The following LHFPL2 variants were observed in gnomAD, a reference collection of about 807,000 sequenced individuals.
The protein encoded by LHFPL2 is LHFPL tetraspan subfamily member 2.
In LHFPL2, 7 loss-of-function variants were observed where a neutral mutation model predicts 17.5. That is an observed-to-expected ratio of 0.40 (90% CI 0.23 to 0.75). The LOEUF (loss-of-function observed/expected upper bound fraction) is 0.75. LHFPL2 is among the 30% of genes least tolerant of loss of function. The pLI is 0.37. For synonymous variants in LHFPL2, 134 were observed against 116.2 expected (o/e 1.15, Z -0.99); for missense variants, 241 against 294.8 (o/e 0.82, Z 1.34).
intron 2 of LHFPL2, among the ~76,000 whole-genome samples, chr5:78,568,489 A>G (rs979654497): frequency 6.6e-6 from 1 of 152,212 alleles, no homozygotes; most frequent in Non-Finnish European, 1.5e-5. Flanking sequence ...AAAAACAGGA[A>G]GCAGAGTTGT....
intron 2 of LHFPL2, among the ~76,000 whole-genome samples, chr5:78,578,088 G>A (rs917406570): frequency 3.3e-5 from 5 of 152,148 alleles, no homozygotes; most frequent in African/African-American, 1.2e-4. Context: ...GATCTCAACT[G>A]GCAAACACCA....
chr5:78,509,733 G>C, intron 4 of LHFPL2, 51 bp downstream of exon 4: 4 of 1,556,348 alleles, frequency 2.6e-6, no homozygotes, highest in Middle Eastern at 1.8e-4. Context: ...GCGCTGCACC[G>C]GCAGCTCTCC....
At chr5:78,645,594 T>A (rs1413393260) in intron 1 of LHFPL2, among the ~76,000 whole-genome samples, 3 of 137,298 alleles carry the variant, frequency 2.2e-5, no homozygotes, top group Admixed American at 7.3e-5. Context: ...ACACACACAT[T>A]TTTTTTGAGA....
intron 3 of LHFPL2, among the ~76,000 whole-genome samples, chr5:78,511,061 T>C (rs1365070053): frequency 6.6e-6 from 1 of 151,800 alleles, no homozygotes; most frequent in African/African-American, 2.4e-5. Flanking sequence ...TTTCACAGGG[T>C]GATTTTTAGA....
chr5:78,584,800 G>A (rs1224636793), intron 2 of LHFPL2, among the ~76,000 whole-genome samples: 1 of 152,106 alleles, frequency 6.6e-6, no homozygotes, highest in Non-Finnish European at 1.5e-5. Context: ...CTTGAGCTGT[G>A]GTGGGCTCCA....
intron 3 of LHFPL2, among the ~76,000 whole-genome samples, chr5:78,560,275 C>T (rs1184927110): frequency 6.6e-6 from 1 of 152,214 alleles, no homozygotes; most frequent in East Asian, 1.9e-4. Context: ...ATACTGATAA[C>T]CTTACTTATA....
chr5:78,637,133 T>G (rs1036606819), intron 1 of LHFPL2, among the ~76,000 whole-genome samples: 2 of 152,116 alleles, frequency 1.3e-5, no homozygotes, highest in Non-Finnish European at 2.9e-5. Context: ...TCCAGACCTA[T>G]GAAGCCAAAA....
At position 78,516,859 on chromosome 5, in the gene LHFPL2, G is replaced by A. The variant is rs117617437; in HGVS notation, c.-185-6461C>T. Among the ~76,000 whole-genome samples the A allele has an allele frequency of 3.5e-4, 53 of 152,246 alleles. No homozygotes were observed. In the East Asian group the frequency reaches 7.4e-3, roughly 21 times the overall value. On this transcript the variant is annotated intron_variant, in intron 3 of 4. Coordinates refer to ENST00000380345, the MANE Select transcript of LHFPL2 (RefSeq NM_005779.3). The stretch of plus-strand genomic sequence containing the variant: ...GTCCTGGGTGGTCTCTGCATCACAC[G>A]CTAAAGTTAACTTCTGTTTTCATAA...
intron 2 of LHFPL2, among the ~76,000 whole-genome samples, chr5:78,577,507 C>T (rs1307777757): frequency 6.6e-6 from 1 of 152,070 alleles, no homozygotes; most frequent in Non-Finnish European, 1.5e-5. Flanking sequence ...GCCATTTAAA[C>T]GCTGAAACTG....
At chr5:78,492,146 G>A (rs1256389006) in intron 4 of LHFPL2, among the ~76,000 whole-genome samples, 2 of 152,134 alleles carry the variant, frequency 1.3e-5, no homozygotes, top group African/African-American at 4.8e-5. Context: ...TGGGCCTTCT[G>A]TACAATCTCC....
chr5:78,546,374 T>C (rs896758110), intron 3 of LHFPL2, among the ~76,000 whole-genome samples: 1 of 152,196 alleles, frequency 6.6e-6, no homozygotes, highest in African/African-American at 2.4e-5. Context: ...ACGGCAGCAG[T>C]GTATGCAAGG....
At chr5:78,535,988 G>C (rs185306539) in intron 3 of LHFPL2, among the ~76,000 whole-genome samples, 2 of 152,192 alleles carry the variant, frequency 1.3e-5, no homozygotes, top group Non-Finnish European at 2.9e-5. Flanking sequence ...GTCACATGGC[G>C]TGTGGGACAC....
chr5:78,622,079 A>T (rs1490578101), intron 2 of LHFPL2, among the ~76,000 whole-genome samples: 1 of 152,176 alleles, frequency 6.6e-6, no homozygotes, highest in Non-Finnish European at 1.5e-5. Context: ...TTGATTCTAA[A>T]AGCATAGGAA....
chr5:78,575,711 C>G (rs1396298487), intron 2 of LHFPL2, among the ~76,000 whole-genome samples: 2 of 152,190 alleles, frequency 1.3e-5, no homozygotes, highest in Non-Finnish European at 2.9e-5. Context: ...CTTAAGAGTT[C>G]TCTCCTTTAT....
chr5:78,559,955 C>A (rs1184356272), intron 3 of LHFPL2, among the ~76,000 whole-genome samples: 1 of 152,272 alleles, frequency 6.6e-6, no homozygotes, highest in Non-Finnish European at 1.5e-5. Context: ...TTAACTGTAC[C>A]ACCCATCTGC....
chr5:78,549,590 G>A (rs907228152), intron 3 of LHFPL2, among the ~76,000 whole-genome samples: 2 of 152,182 alleles, frequency 1.3e-5, no homozygotes, highest in African/African-American at 4.8e-5. Flanking sequence ...TTGGCATGCT[G>A]AAGACTCTGA....
chr5:78,562,380 T>C (rs1393994568), intron 3 of LHFPL2, among the ~76,000 whole-genome samples: 2 of 152,146 alleles, frequency 1.3e-5, no homozygotes, highest in Admixed American at 6.5e-5. Flanking sequence ...CTGTGCTCTT[T>C]GCTCAAAACA....
intron 2 of LHFPL2, among the ~76,000 whole-genome samples, chr5:78,572,494 G>A (rs1010611135): frequency 1.4e-5 from 2 of 140,582 alleles, no homozygotes; most frequent in African/African-American, 5.9e-5. Context: ...GTATATATAT[G>A]TGTGTATATA....
At chr5:78,588,069 G>A (rs1743490654) in intron 2 of LHFPL2, among the ~76,000 whole-genome samples, 1 of 152,230 alleles carries the variant, frequency 6.6e-6, no homozygotes. Flanking sequence ...TCTTTCACTT[G>A]AGTCACTCAG....
Sources: allele counts gnomAD v4.1 joint callset (sites outside exome capture counted in the v4.1 genomes callset), GRCh38; gene constraint gnomAD v4.1.1; transcripts MANE v1.5; gene names NCBI Gene and HGNC (gene_info 2026-07-23, HGNC 2026-07-21).